The following TMEM132D variants were observed in gnomAD, a reference collection of about 807,000 sequenced individuals.
The protein encoded by TMEM132D is mature OL transmembrane protein.
TMEM132D carries 21 observed loss-of-function variants against 62.3 expected under a neutral mutation model. The ratio of observed to expected loss-of-function variants is 0.34; its 90% CI spans 0.24 to 0.49. The LOEUF is 0.49. Among genes scored for constraint, TMEM132D ranks in the 20% least tolerant of loss-of-function variants. TMEM132D has a pLI of 0.99. For synonymous variants in TMEM132D, 621 were observed against 575.6 expected (o/e 1.08, Z -1.13); for missense variants, 1,346 against 1,402.8 (o/e 0.96, Z 0.65).
intron 2 of TMEM132D, among the ~76,000 whole-genome samples, chr12:129,581,575 G>A (rs886475057): frequency 6.6e-6 from 1 of 152,182 alleles, no homozygotes; most frequent in Admixed American, 6.5e-5. Context: ...AGAACATGCA[G>A]CCTGATGTTT....
intron 2 of TMEM132D, among the ~76,000 whole-genome samples, chr12:129,642,389 GA>G: frequency 6.6e-6 from 1 of 152,358 alleles, no homozygotes; most frequent in South Asian, 2.1e-4. Flanking sequence ...ATAGCATTTG[GA>G]AGCGCACCTT....
chr12:129,839,776 A>G (rs1873124849), intron 1 of TMEM132D, among the ~76,000 whole-genome samples: 2 of 152,186 alleles, frequency 1.3e-5, no homozygotes, highest in African/African-American at 4.8e-5. Context: ...AGGAGCTTCA[A>G]CAGAGGCGAT....
At chr12:129,842,360 C>T (rs1873224953) in intron 1 of TMEM132D, among the ~76,000 whole-genome samples, 1 of 152,092 alleles carries the variant, frequency 6.6e-6, no homozygotes, top group South Asian at 2.1e-4. Context: ...GGTTTAAACG[C>T]TGGCATTCAA....
intron 4 of TMEM132D, among the ~76,000 whole-genome samples, chr12:129,260,150 G>C (rs140791992): frequency 9.9e-5 from 15 of 152,174 alleles, no homozygotes; most frequent in Non-Finnish European, 2.9e-5. Flanking sequence ...AATTTGGGGG[G>C]TTGAGAAGAG....
intron 2 of TMEM132D, among the ~76,000 whole-genome samples, chr12:129,628,580 A>T (rs934184229): frequency 6.6e-6 from 1 of 152,232 alleles, no homozygotes; most frequent in Non-Finnish European, 1.5e-5. Flanking sequence ...GGGATTCCAC[A>T]GTAAACCAGA....
Position 129,583,329 on chromosome 12 carries a change from T to C in TMEM132D, c.969-52124A>G, listed in dbSNP as rs187328313. Among the ~76,000 whole-genome samples the C allele has an allele frequency of 3.4e-4, 51 of 152,168 alleles. 2 individuals are homozygous for C. Among genetic ancestry groups the C allele is most frequent in the Admixed American group, 3.1e-3 (47 of 15,296 alleles). ...AGATCATTGGCTGCCTGTGGTCTAG[T>C]GGAGAGGGAGGGAGGTGAGGATTTC... On this transcript the variant is annotated intron_variant, in intron 2 of 8. Coordinates refer to ENST00000422113, the MANE Select transcript of TMEM132D (RefSeq NM_133448.3).
At chr12:129,106,199 C>A (rs2135640386) in intron 5 of TMEM132D, among the ~76,000 whole-genome samples, 1 of 148,672 alleles carries the variant, frequency 6.7e-6, no homozygotes, top group Admixed American at 6.9e-5. Flanking sequence ...TTCTCACTCA[C>A]AGGTGGGAAT....
chr12:129,098,096 A>T (rs1386211), intron 5 of TMEM132D, among the ~76,000 whole-genome samples: 1 of 152,062 alleles, frequency 6.6e-6, no homozygotes, highest in African/African-American at 2.4e-5. Context: ...TTGTGAGGAC[A>T]CAACCCAGAA....
intron 2 of TMEM132D, among the ~76,000 whole-genome samples, chr12:129,695,471 C>T (rs1360897862): frequency 6.6e-6 from 1 of 152,226 alleles, no homozygotes; most frequent in African/African-American, 2.4e-5. Flanking sequence ...TTTCAAGCAG[C>T]TCTATCAATC....
intron 2 of TMEM132D, among the ~76,000 whole-genome samples, chr12:129,561,018 G>T (rs76533831): frequency 0.034 from 5,212 of 152,254 alleles, 271 homozygotes; most frequent in African/African-American, 0.12. Context: ...AGGGAGACAG[G>T]CATTAAACAG....
intron 1 of TMEM132D, among the ~76,000 whole-genome samples, chr12:129,721,225 G>A (rs1469447465): frequency 4.6e-5 from 7 of 152,180 alleles, no homozygotes; most frequent in African/African-American, 1.2e-4. Context: ...ATAGCCACTC[G>A]TGACTTCAGG....
At chr12:129,356,986 T>C (rs975374114) in intron 3 of TMEM132D, among the ~76,000 whole-genome samples, 15 of 144,824 alleles carry the variant, frequency 1.0e-4, no homozygotes, top group South Asian at 2.2e-4. Context: ...ATGGCTCACG[T>C]CTGTAATCCC....
intron 3 of TMEM132D, among the ~76,000 whole-genome samples, chr12:129,514,215 CT>C (rs1875607731): frequency 3.3e-5 from 5 of 152,112 alleles, no homozygotes; most frequent in Admixed American, 3.3e-4. Flanking sequence ...TACTTCAAGA[CT>C]TTTTGTTTCC....
intron 5 of TMEM132D, among the ~76,000 whole-genome samples, chr12:129,146,722 C>T (rs1565978198): frequency 6.6e-6 from 1 of 152,190 alleles, no homozygotes; most frequent in Non-Finnish European, 1.5e-5. Context: ...CAAACTGCTA[C>T]ATATCCTCCA....
chr12:129,182,601 C>G (rs1316104800), intron 5 of TMEM132D, among the ~76,000 whole-genome samples: 3 of 152,186 alleles, frequency 2.0e-5, no homozygotes, highest in Admixed American at 6.5e-5. Flanking sequence ...AGGCCCTGGA[C>G]TAACTGGACA....
chr12:129,375,289 C>G (rs1220445404), intron 3 of TMEM132D, among the ~76,000 whole-genome samples: 1 of 152,116 alleles, frequency 6.6e-6, no homozygotes, highest in African/African-American at 2.4e-5. Context: ...TACCAACAGC[C>G]CATTCATGAG....
At chr12:129,807,662 C>T (rs187839607) in intron 1 of TMEM132D, among the ~76,000 whole-genome samples, 9 of 152,174 alleles carry the variant, frequency 5.9e-5, no homozygotes, top group African/African-American at 2.2e-4. Context: ...TCCGACTCTC[C>T]TTGTCTTCTA....
rs776089594 is a variant in TMEM132D, at chr12:129,074,287, T to C, written c.2888A>G (p.Asp963Gly). 1.2e-6 allele frequency: 2 copies of C among 1,614,142 alleles called. No individual in the cohort carries two copies. Among genetic ancestry groups the C allele is most frequent in the South Asian group, 2.2e-5 (2 of 91,068 alleles). ...EEQEGMSHSH[D>G]WVGLSNRTEL... Reference sequence around the variant, plus strand: ...TGTCCGGTTGCTTAACCCAACCCAGTCATGAGAGTGACTCATCCCTTCCTG... The same window carrying C: ...TGTCCGGTTGCTTAACCCAACCCAGCCATGAGAGTGACTCATCCCTTCCTG... The change falls in exon 9 of 9, where the codon GAC (aspartate) becomes GGC (glycine). Residue 963 changes from aspartate (D) to glycine (G), a missense_variant. Coordinates refer to ENST00000422113, the MANE Select transcript of TMEM132D (RefSeq NM_133448.3).
intron 3 of TMEM132D, among the ~76,000 whole-genome samples, chr12:129,411,422 G>T (rs10847865): frequency 0.13 from 19,612 of 152,162 alleles, 1,852 homozygotes; most frequent in East Asian, 0.44. Context: ...AGGCTGGAGT[G>T]CAGTGGTGTG....
Sources: allele counts gnomAD v4.1 joint callset (sites outside exome capture counted in the v4.1 genomes callset), GRCh38; gene constraint gnomAD v4.1.1; transcripts MANE v1.5; gene names NCBI Gene and HGNC (gene_info 2026-07-23, HGNC 2026-07-21).